DOCK2: variants seen among roughly 807,000 people sequenced by gnomAD.
DOCK2 encodes dedicator of cytokinesis protein 2.
A neutral mutation model predicts 248.9 loss-of-function variants in DOCK2; 87 were observed. The observed-to-expected ratio is 0.35, with a 90% CI of 0.29 to 0.42. The LOEUF is 0.42. DOCK2 is among the 10% of genes least tolerant of loss of function. The probability of loss-of-function intolerance (pLI) is 1.00; values close to 1 mark genes in which losing one functional copy is unlikely to be tolerated. For missense variants in DOCK2, 1,747 were observed against 2,300.2 expected, an observed-to-expected ratio of 0.76 and a Z score of 4.92; for synonymous variants, 805 against 821.6, an observed-to-expected ratio of 0.98 and a Z score of 0.35.
rs769662079 is a variant in DOCK2, at chr5:170,077,850, A to G, written c.4994+13A>G. 1.2e-6 allele frequency: 2 copies of G among 1,610,202 alleles called. No homozygotes were observed. The highest frequency in any genetic ancestry group is 1.7e-6 in the Non-Finnish European group (2 of 1,179,244). On this transcript the variant is annotated intron_variant, in intron 48 of 51. Coordinates refer to ENST00000520908, the MANE Select transcript of DOCK2 (RefSeq NM_004946.3). ...CTACCTCAGAGAGGTCAGTCCCTGCACCCCAAGGAGCCCCCCACACCCCTG... is the reference window on the plus strand; with the variant it reads ...CTACCTCAGAGAGGTCAGTCCCTGCGCCCCAAGGAGCCCCCCACACCCCTG...
At chr5:169,864,254 G>C (rs766284277) in intron 27 of DOCK2, 1 of 1,549,856 alleles carries the variant, frequency 6.5e-7, no homozygotes, top group Admixed American at 2.0e-5. Context: ...TGGGGGGCTG[G>C]GGGATGGTCC....
intron 22 of DOCK2, among the ~76,000 whole-genome samples, chr5:169,730,806 A>G (rs1454803171): frequency 1.3e-5 from 2 of 152,136 alleles, no homozygotes; most frequent in African/African-American, 4.8e-5. Flanking sequence ...TGTTTCAGCC[A>G]CCATGAATTT....
intron 26 of DOCK2, among the ~76,000 whole-genome samples, chr5:169,832,049 T>G (rs1337571890): frequency 6.6e-6 from 1 of 152,206 alleles, no homozygotes; most frequent in African/African-American, 2.4e-5. Flanking sequence ...AGCATGCAAT[T>G]AGGCAGAAAT....
chr5:169,696,096 T>C (rs1760608064), intron 10 of DOCK2, among the ~76,000 whole-genome samples, 158 bp downstream of exon 10: 1 of 152,160 alleles, frequency 6.6e-6, no homozygotes, highest in Non-Finnish European at 1.5e-5. Context: ...GGTGACTAAA[T>C]CAAAATAATT....
intron 21 of DOCK2, 89 bp from the exon 22 acceptor site, chr5:169,718,568 A>G: frequency 1.4e-6 from 2 of 1,467,108 alleles, no homozygotes; most frequent in Non-Finnish European, 1.8e-6. Flanking sequence ...TACCACCTTT[A>G]ACCTTTGATT....
chr5:169,755,889 C>A (rs2113719908), intron 23 of DOCK2, among the ~76,000 whole-genome samples: 1 of 152,306 alleles, frequency 6.6e-6, no homozygotes, highest in Non-Finnish European at 1.5e-5. Flanking sequence ...GCTGGCACCT[C>A]CTGAACTTGC....
intron 19 of DOCK2, among the ~76,000 whole-genome samples, chr5:169,715,600 T>C (rs1284618535): frequency 1.3e-5 from 2 of 151,970 alleles, no homozygotes; most frequent in African/African-American, 2.4e-5. Flanking sequence ...TTTTTCTTTT[T>C]TTTTTTTTAA....
At position 169,753,020 on chromosome 5, in the gene DOCK2, G is replaced by A. The variant is rs374345127; in HGVS notation, c.2376+5516G>A. ...GTGGAGGTTGCAGTGAGCCGAGATTGCGCCATTGCACTCCAGCCTGGCGAC... is the reference window on the plus strand; with the variant it reads ...GTGGAGGTTGCAGTGAGCCGAGATTACGCCATTGCACTCCAGCCTGGCGAC... On this transcript the variant is annotated intron_variant, in intron 23 of 51. Coordinates refer to ENST00000520908, the MANE Select transcript of DOCK2 (RefSeq NM_004946.3). Among the ~76,000 whole-genome samples the A allele has an allele frequency of 4.1e-4, 63 of 152,192 alleles. No homozygotes were observed. The East Asian group carries it at 0.01, about 24-fold the overall frequency.
chr5:169,807,633 C>T (rs1398477394), intron 26 of DOCK2, among the ~76,000 whole-genome samples: 1 of 151,796 alleles, frequency 6.6e-6, no homozygotes, highest in Non-Finnish European at 1.5e-5. Context: ...GAGATCGAGA[C>T]CATCCTGGCT....
chr5:169,738,686 G>A (rs1382616502), intron 22 of DOCK2, among the ~76,000 whole-genome samples: 2 of 152,162 alleles, frequency 1.3e-5, no homozygotes, highest in South Asian at 2.1e-4. Flanking sequence ...TGTATGTAAC[G>A]TGTTATTGCT....
intron 32 of DOCK2, among the ~76,000 whole-genome samples, chr5:170,018,507 C>T (rs55971591): frequency 6.3e-4 from 96 of 152,314 alleles, no homozygotes; most frequent in Non-Finnish European, 1.2e-3. Context: ...ACTATTATAG[C>T]GAGTTCTTAG....
intron 27 of DOCK2, among the ~76,000 whole-genome samples, chr5:169,974,170 T>A (rs1013390976): frequency 6.6e-6 from 1 of 152,200 alleles, no homozygotes; most frequent in Admixed American, 6.5e-5. Flanking sequence ...ATATCCCCTC[T>A]CTGTTCGTTG....
At chr5:169,990,119 G>T (rs1157355258) in intron 29 of DOCK2, among the ~76,000 whole-genome samples, 1 of 151,112 alleles carries the variant, frequency 6.6e-6, no homozygotes, top group Non-Finnish European at 1.5e-5. Context: ...TTTCTTTTGA[G>T]ACAGAGTCTC....
intron 1 of DOCK2, 85 bp from the exon 2 acceptor site, chr5:169,654,317 TG>T: frequency 6.7e-7 from 1 of 1,489,796 alleles, no homozygotes; most frequent in Non-Finnish European, 9.3e-7. Context: ...GGGCATGGGA[TG>T]GACTTGAGGC....
chr5:169,982,952 A>G (rs934574587), intron 27 of DOCK2, 116 bp from the exon 28 acceptor site: 1 of 965,614 alleles, frequency 1.0e-6, no homozygotes, highest in Non-Finnish European at 1.6e-6. Flanking sequence ...CAGGCACATA[A>G]TAGTACTCAG....
intron 32 of DOCK2, among the ~76,000 whole-genome samples, chr5:170,014,228 A>G (rs561882819): frequency 1.5e-3 from 231 of 152,108 alleles, no homozygotes; most frequent in African/African-American, 5.3e-3. Flanking sequence ...TTACTCATTC[A>G]TGTAATAACC....
At chr5:170,069,078 G>A (rs976860548) in intron 45 of DOCK2, 59 bp from the exon 46 acceptor site, 2 of 1,490,576 alleles carry the variant, frequency 1.3e-6, no homozygotes, top group African/African-American at 1.4e-5. Flanking sequence ...GTGCCAAAGA[G>A]ATTGGCTGTG....
intron 1 of DOCK2, among the ~76,000 whole-genome samples, chr5:169,653,177 T>A (rs570242525): frequency 6.6e-6 from 1 of 152,174 alleles, no homozygotes; most frequent in South Asian, 2.1e-4. Flanking sequence ...TAGAATCATG[T>A]CTGGGATATA....
At position 169,845,810 on chromosome 5, in the gene DOCK2, C is replaced by T. The variant is rs74899767; in HGVS notation, c.2799+4958C>T. ...CTGAGAGGGGAGAGCCAGAGGCCTG[C>T]GGCAAGCATACTTCACTAGGAGCAG... On this transcript the variant is annotated intron_variant, in intron 27 of 51. Coordinates refer to ENST00000520908, the MANE Select transcript of DOCK2 (RefSeq NM_004946.3). Among the ~76,000 whole-genome samples, 590 of 152,272 alleles carry T rather than the reference C, an allele frequency of 3.9e-3. 4 individuals are homozygous for T. The highest frequency in any genetic ancestry group is 0.013 in the African/African-American group (521 of 41,554).
Sources: allele counts gnomAD v4.1 joint callset (sites outside exome capture counted in the v4.1 genomes callset), GRCh38; gene constraint gnomAD v4.1.1; transcripts MANE v1.5; gene names NCBI Gene and HGNC (gene_info 2026-07-23, HGNC 2026-07-21).